CDH18: variants seen among roughly 807,000 people sequenced by gnomAD.
The protein encoded by CDH18 is cadherin-18.
Under a neutral mutation model 67.9 loss-of-function variants are expected in CDH18, and 31 were observed. That is an observed-to-expected ratio of 0.46 (90% CI 0.34 to 0.62). The LOEUF is 0.62. CDH18 is among the 20% of genes least tolerant of loss of function. The probability of loss-of-function intolerance (pLI) is 0.01; values close to 1 mark genes in which losing one functional copy is unlikely to be tolerated. For synonymous variants in CDH18, 362 were observed against 347.2 expected, an observed-to-expected ratio of 1.04 and a Z score of -0.48; for missense variants, 890 against 975.5, an observed-to-expected ratio of 0.91 and a Z score of 1.17.
At chr5:20,451,826 A>C (rs2150208002) in intron 1 of CDH18, among the ~76,000 whole-genome samples, 1 of 152,276 alleles carries the variant, frequency 6.6e-6, no homozygotes, top group African/African-American at 2.4e-5. Flanking sequence ...GAATATTTGC[A>C]ATATAAGTTT....
rs1217593671 is a variant in CDH18, at chr5:19,754,082, C to T, written c.229-6846G>A. On this transcript the variant is annotated intron_variant, in intron 3 of 12. Transcript: ENST00000382275. ...CAAAATAGAACTTAAAAACCAAAAA[C>T]AAAACAAACAAACAAAAAAACCCCC... 3.3e-5 allele frequency among the ~76,000 whole-genome samples: 5 copies of T among 151,998 alleles called. No homozygotes were observed. The East Asian group carries it at 9.7e-4, about 29-fold the overall frequency.
At chr5:19,746,405 C>G (rs543927503) in intron 4 of CDH18, among the ~76,000 whole-genome samples, 1 of 152,128 alleles carries the variant, frequency 6.6e-6, no homozygotes, top group South Asian at 2.1e-4. Flanking sequence ...AAATACTTCA[C>G]GGGGCTGTCA....
chr5:20,202,818 C>T, intron 2 of CDH18, among the ~76,000 whole-genome samples: 1 of 151,966 alleles, frequency 6.6e-6, no homozygotes, highest in Non-Finnish European at 1.5e-5. Flanking sequence ...AACTGCAAAA[C>T]ACATACCTAT....
intron 2 of CDH18, among the ~76,000 whole-genome samples, chr5:20,085,918 A>T (rs1595129): frequency 0.81 from 123,094 of 152,128 alleles, 51,485 homozygotes; most frequent in Non-Finnish European, 0.91. Flanking sequence ...CATTCAAATA[A>T]AAAGAAGAGT....
chr5:20,254,576 G>T (rs1047917900), intron 2 of CDH18, among the ~76,000 whole-genome samples: 5 of 152,290 alleles, frequency 3.3e-5, no homozygotes, highest in African/African-American at 9.6e-5. Context: ...GGAGTACTAA[G>T]CATGGAACTA....
At chr5:20,444,401 T>A (rs1321206554) in intron 1 of CDH18, among the ~76,000 whole-genome samples, 1 of 152,216 alleles carries the variant, frequency 6.6e-6, no homozygotes, top group Non-Finnish European at 1.5e-5. Flanking sequence ...TTGGGTGTGG[T>A]GGCAGGTGCC....
At chr5:20,558,817 A>T (rs1456150555) in intron 1 of CDH18, among the ~76,000 whole-genome samples, 2 of 152,022 alleles carry the variant, frequency 1.3e-5, no homozygotes, top group African/African-American at 2.4e-5. Flanking sequence ...AGATTTTTTA[A>T]TAAACTGAAA....
rs973592875 is a variant in CDH18 at position 19,970,781 on chromosome 5, A to T, written c.-257+10279T>A. 2.6e-5 allele frequency among the ~76,000 whole-genome samples: 4 copies of T among 151,086 alleles called. No homozygotes were observed. In the East Asian group the frequency reaches 5.8e-4, roughly 22 times the overall value. Reference sequence around the variant, plus strand: ...TATTTAATCTTTGAGATTAAATATTATTCTACATATATTAAATATATATAA... The same window carrying T: ...TATTTAATCTTTGAGATTAAATATTTTTCTACATATATTAAATATATATAA... On this transcript the variant is annotated intron_variant, in intron 2 of 12. Transcript: ENST00000382275.
chr5:20,200,337 A>C (rs1739349383), intron 2 of CDH18, among the ~76,000 whole-genome samples: 1 of 152,156 alleles, frequency 6.6e-6, no homozygotes, highest in Non-Finnish European at 1.5e-5. Context: ...AGTTTCAAAA[A>C]AGGGGGATTT....
intron 2 of CDH18, among the ~76,000 whole-genome samples, chr5:20,217,793 C>T (rs1252566396): frequency 6.6e-6 from 1 of 151,332 alleles, no homozygotes; most frequent in East Asian, 1.9e-4. Context: ...ATTTCACCAA[C>T]AAAATGAAAA....
At chr5:19,795,443 C>G (rs1776760002) in intron 3 of CDH18, among the ~76,000 whole-genome samples, 1 of 152,128 alleles carries the variant, frequency 6.6e-6, no homozygotes, top group Admixed American at 6.6e-5. Flanking sequence ...ACAGAATGGT[C>G]TAAGGGAAAC....
intron 2 of CDH18, among the ~76,000 whole-genome samples, chr5:20,127,200 C>A (rs2388131): frequency 0.85 from 129,215 of 151,670 alleles, 56,419 homozygotes; most frequent in Non-Finnish European, 0.94. Flanking sequence ...GTAGCACTTC[C>A]CCCTTTTCTC....
chr5:20,025,158 T>C (rs1402899639), intron 2 of CDH18, among the ~76,000 whole-genome samples: 1 of 152,202 alleles, frequency 6.6e-6, no homozygotes, highest in Non-Finnish European at 1.5e-5. Flanking sequence ...TATTCTTTCA[T>C]GCTTTGAGGC....
Position 20,163,615 on chromosome 5 carries a change from T to A in CDH18, c.-518+91829A>T, listed in dbSNP as rs116088859. On this transcript the variant is annotated intron_variant, in intron 2 of 14. Coordinates refer to the CDH18 transcript ENST00000507958. ...AATAACCATCTCTAGTTTCTTATCT[T>A]TCATGATCTCTCAGCAGCCAATGTG... Among the ~76,000 whole-genome samples the A allele has an allele frequency of 5.7e-3, 868 of 152,330 alleles. 9 individuals are homozygous for A. Among genetic ancestry groups the A allele is most frequent in the African/African-American group, 0.02 (832 of 41,576 alleles).
chr5:19,849,584 ACATATATATATAAACATATATATACACG>A (rs1203115633), intron 2 of CDH18, among the ~76,000 whole-genome samples: 13,128 of 139,090 alleles, frequency 0.094, 1,428 homozygotes, highest in Non-Finnish European at 0.13. Flanking sequence ...AGCATTTCAA[ACATATATATATAAACATATATATACACG>A]CATATATATA....
At chr5:19,672,774 C>T (rs534988415) in intron 5 of CDH18, among the ~76,000 whole-genome samples, 46 of 152,042 alleles carry the variant, frequency 3.0e-4, no homozygotes, top group African/African-American at 1.1e-3. Flanking sequence ...CTGTCAATAA[C>T]TGCTTTAAAA....
intron 3 of CDH18, among the ~76,000 whole-genome samples, chr5:19,813,671 A>T (rs994170232): frequency 6.6e-6 from 1 of 152,156 alleles, no homozygotes; most frequent in Non-Finnish European, 1.5e-5. Flanking sequence ...AGTCATAGTA[A>T]ACAATTTTAT....
rs1050488046 is a variant in CDH18 at position 20,254,371 on chromosome 5, T to C, written c.-518+1073A>G. Among the ~76,000 whole-genome samples, 5 of 152,116 alleles carry C rather than the reference T, an allele frequency of 3.3e-5. No individual in the cohort carries two copies. In the South Asian group the frequency reaches 1.0e-3, roughly 31 times the overall value. The stretch of plus-strand genomic sequence containing the variant: ...AGGTGATCAGCCTGCCTCATCCTCC[T>C]AAAGTTGGGATTACAGGCATGAGCC... On this transcript the variant is annotated intron_variant, in intron 2 of 14. Transcript: ENST00000507958.
At chr5:20,508,591 A>G (rs1754807084) in intron 1 of CDH18, among the ~76,000 whole-genome samples, 1 of 151,576 alleles carries the variant, frequency 6.6e-6, no homozygotes, top group Non-Finnish European at 1.5e-5. Context: ...AAATTCATTT[A>G]CCCCAACCTC....
Sources: gnomAD v4.1 joint callset for allele counts (sites outside exome capture counted in the v4.1 genomes callset) on GRCh38, gnomAD v4.1.1 for gene constraint, MANE v1.5 for transcripts, NCBI Gene and HGNC (gene_info 2026-07-23, HGNC 2026-07-21) for gene names.